Variants in LHFPL4 observed in about 807,000 individuals in gnomAD.
The protein encoded by LHFPL4 is LHFPL tetraspan subfamily member 4.
Under a neutral mutation model 20.0 loss-of-function variants are expected in LHFPL4, and 6 were observed. The ratio of observed to expected loss-of-function variants is 0.30; its 90% confidence interval spans 0.16 to 0.59. LHFPL4 has a LOEUF of 0.59. LHFPL4 is among the 20% of genes least tolerant of loss of function. LHFPL4 has a pLI of 0.88. For synonymous variants in LHFPL4, 129 were observed against 143.8 expected (o/e 0.90, Z 0.74); for missense variants, 215 against 331.2 (o/e 0.65, Z 2.72).
Position 9,508,118 on chromosome 3 carries a change from G to T in LHFPL4, c.407-1915C>A, listed in dbSNP as rs376553519. 8.3e-4 allele frequency among the ~76,000 whole-genome samples: 126 copies of T among 152,158 alleles called. 1 individual carries two copies. In the South Asian group the frequency reaches 9.3e-3, roughly 11 times the overall value. ...TCCACCTGGCCCATCTAGTCCCCAG[G>T]GTGGGAAGGGGCCCTTGGCTGTGCC... On this transcript the variant is annotated intron_variant, in intron 2 of 3. Coordinates refer to ENST00000287585, the MANE Select transcript of LHFPL4 (RefSeq NM_198560.3).
At chr3:9,552,074 A>G (rs1299713631) in intron 2 of LHFPL4, among the ~76,000 whole-genome samples, 200 bp downstream of exon 2, 1 of 148,626 alleles carries the variant, frequency 6.7e-6, no homozygotes, top group Non-Finnish European at 1.5e-5. Context: ...ACCCAGTCCC[A>G]AGGCTCTGTC....
At chr3:9,531,239 GAC>G (rs2046406814) in intron 2 of LHFPL4, among the ~76,000 whole-genome samples, 1 of 152,166 alleles carries the variant, frequency 6.6e-6, no homozygotes, top group Admixed American at 6.5e-5. Flanking sequence ...TCAAAAATGT[GAC>G]ACAGAGCCAC....
At chr3:9,538,721 C>T (rs2046458693) in intron 2 of LHFPL4, among the ~76,000 whole-genome samples, 1 of 147,748 alleles carries the variant, frequency 6.8e-6, no homozygotes, top group African/African-American at 2.5e-5. Context: ...TTTTTTTAGA[C>T]AGAGTCTTGC....
At chr3:9,510,730 G>A (rs964949104) in intron 2 of LHFPL4, among the ~76,000 whole-genome samples, 7 of 152,094 alleles carry the variant, frequency 4.6e-5, no homozygotes, top group Admixed American at 1.3e-4. Flanking sequence ...CTGAGGTCAG[G>A]AGTTCGAGAC....
At chr3:9,508,432 G>T (rs1165110436) in intron 2 of LHFPL4, among the ~76,000 whole-genome samples, 1 of 152,210 alleles carries the variant, frequency 6.6e-6, no homozygotes, top group East Asian at 1.9e-4. Context: ...CAGCCAAAGG[G>T]AATGGCAAAA....
At position 9,523,987 on chromosome 3, in the gene LHFPL4, C is replaced by CCA. The variant is rs1012839402; in HGVS notation, c.407-17785_407-17784insTG. On this transcript the variant is annotated intron_variant, in intron 2 of 3. Transcript: ENST00000287585. ...ACACAATTCTAGGCTAGTATTTCCC[C>CCA]CCCCCCCAACACTTTAAATATTTCA... is the stretch of plus-strand genomic sequence containing the variant. Among the ~76,000 whole-genome samples the CCA allele has an allele frequency of 9.6e-4, 132 of 137,532 alleles. 2 individuals are homozygous for CCA. In the South Asian group the frequency reaches 0.012, roughly 12 times the overall value. The allele number at this position is 137,532 out of a possible 152,430, so 90.2% of individuals were successfully genotyped here.
At chr3:9,531,386 T>G (rs1291993731) in intron 2 of LHFPL4, among the ~76,000 whole-genome samples, 2 of 152,182 alleles carry the variant, frequency 1.3e-5, no homozygotes, top group African/African-American at 4.8e-5. Context: ...GAGGTATGCC[T>G]GCATATACGC....
Position 9,510,572 on chromosome 3 carries a change from G to A in LHFPL4, c.407-4369C>T, listed in dbSNP as rs573308646. Among the ~76,000 whole-genome samples the A allele has an allele frequency of 5.5e-4, 83 of 152,170 alleles. 2 individuals carry two copies. The South Asian group carries it at 0.016, about 30-fold the overall frequency. On this transcript the variant is annotated intron_variant, in intron 2 of 3. Transcript: ENST00000287585. Reference sequence around the variant, plus strand: ...CTACTGACTTTCTCTGCTCCAAGCAGCCAGGAGGTGTTATGACAAAATTAA... The same window carrying A: ...CTACTGACTTTCTCTGCTCCAAGCAACCAGGAGGTGTTATGACAAAATTAA...
chr3:9,515,234 A>C (rs2046291522), intron 2 of LHFPL4, among the ~76,000 whole-genome samples: 1 of 152,134 alleles, frequency 6.6e-6, no homozygotes, highest in South Asian at 2.1e-4. Flanking sequence ...TTGAAACTGT[A>C]TTTCCCAGAT....
intron 2 of LHFPL4, among the ~76,000 whole-genome samples, chr3:9,543,642 T>A (rs2046492152): frequency 6.6e-6 from 1 of 151,912 alleles, no homozygotes; most frequent in South Asian, 2.1e-4. Context: ...GCTCCCAAAG[T>A]ACTCTGACTT....
intron 2 of LHFPL4, among the ~76,000 whole-genome samples, chr3:9,525,112 A>T (rs2046365075): frequency 6.6e-6 from 1 of 152,248 alleles, no homozygotes; most frequent in South Asian, 2.1e-4. Context: ...CTAGTCACCT[A>T]GTTTCTCCCA....
chr3:9,527,445 G>A (rs748870598), intron 2 of LHFPL4, among the ~76,000 whole-genome samples: 1 of 152,112 alleles, frequency 6.6e-6, no homozygotes, highest in African/African-American at 2.4e-5. Flanking sequence ...AGTGGGCATC[G>A]TGGTGCATGC....
In LHFPL4 at chr3:9,499,875, C is replaced by T. The variant is rs1449535843; in HGVS notation, c.*2336G>A. The T allele has an allele frequency of 6.6e-6, 1 of 152,434 alleles. No homozygotes were observed. Among genetic ancestry groups the T allele is most frequent in the Non-Finnish European group, 1.5e-5 (1 of 68,392 alleles). 9.4% of individuals were successfully genotyped at this position (152,434 alleles called of 1,614,324 possible). Reference sequence around the variant, plus strand: ...ATCCTGGCTCCTTCATCCTCCTCTCCTTCCTCTGCATCCCATTCTTGCCCC... The same window carrying T: ...ATCCTGGCTCCTTCATCCTCCTCTCTTTCCTCTGCATCCCATTCTTGCCCC... On this transcript the variant is annotated 3_prime_UTR_variant, in exon 4 of 4. Transcript: ENST00000287585.
chr3:9,542,357 C>G (rs1446206902), intron 2 of LHFPL4, among the ~76,000 whole-genome samples: 1 of 152,090 alleles, frequency 6.6e-6, no homozygotes, highest in Non-Finnish European at 1.5e-5. Context: ...GTGGAACAAC[C>G]CAAATGTCCA....
chr3:9,504,483 G>A (rs1454551164), intron 3 of LHFPL4, among the ~76,000 whole-genome samples: 2 of 151,698 alleles, frequency 1.3e-5, no homozygotes, highest in Non-Finnish European at 2.9e-5. Context: ...AACCACAGAT[G>A]ACCATCATCC....
At chr3:9,534,663 A>C (rs1261075685) in intron 2 of LHFPL4, among the ~76,000 whole-genome samples, 1 of 152,176 alleles carries the variant, frequency 6.6e-6, no homozygotes, top group Non-Finnish European at 1.5e-5. Flanking sequence ...ACCGACAGAA[A>C]CCATAAAGTG....
At chr3:9,522,752 A>G (rs546470887) in intron 2 of LHFPL4, among the ~76,000 whole-genome samples, 21 of 149,814 alleles carry the variant, frequency 1.4e-4, no homozygotes, top group African/African-American at 4.7e-4. Flanking sequence ...TCAAAAAAAA[A>G]AGAAAAAGGC....
chr3:9,510,833 G>A (rs2046253958), intron 2 of LHFPL4, among the ~76,000 whole-genome samples: 1 of 151,894 alleles, frequency 6.6e-6, no homozygotes, highest in Non-Finnish European at 1.5e-5. Flanking sequence ...AGCTACTCAG[G>A]AGGCTGAGGC....
At chr3:9,527,197 G>C (rs987353002) in intron 2 of LHFPL4, among the ~76,000 whole-genome samples, 6 of 152,116 alleles carry the variant, frequency 3.9e-5, no homozygotes, top group Non-Finnish European at 8.8e-5. Context: ...GTGGGGCTTG[G>C]GTGGGGACTT....
Sources: gnomAD v4.1 joint callset for allele counts (sites outside exome capture counted in the v4.1 genomes callset) on GRCh38, gnomAD v4.1.1 for gene constraint, MANE v1.5 for transcripts, NCBI Gene and HGNC (gene_info 2026-07-23, HGNC 2026-07-21) for gene names.